KHDRBS2: variants seen among roughly 807,000 people sequenced by gnomAD.
KHDRBS2 encodes the protein KH domain-containing, RNA-binding, signal transduction-associated protein 2.
In KHDRBS2, 26 loss-of-function variants were observed where a neutral mutation model predicts 44.3. The ratio of observed to expected loss-of-function variants is 0.59; its 90% CI spans 0.43 to 0.81. The LOEUF is 0.81. Ranked by LOEUF, KHDRBS2 falls within the 40% of genes least tolerant of loss-of-function variation. The pLI is 0.00. For missense variants in KHDRBS2, 476 were observed against 433.1 expected, an observed-to-expected ratio of 1.10 and a Z score of -0.88; for synonymous variants, 194 against 151.1, an observed-to-expected ratio of 1.28 and a Z score of -2.08.
At chr6:61,651,264 A>AT in the KHDRBS2 span, among the ~76,000 whole-genome samples, 20 of 151,984 alleles carry the variant, frequency 1.3e-4, no homozygotes, top group African/African-American at 3.6e-4. Flanking sequence ...TTGGATTTCA[A>AT]TTTTTTTTAG....
intron 3 of KHDRBS2, among the ~76,000 whole-genome samples, chr6:62,010,869 A>G (rs2127269046): frequency 6.6e-6 from 1 of 152,234 alleles, no homozygotes; most frequent in Non-Finnish European, 1.5e-5. Flanking sequence ...TTAAAAATTC[A>G]CCTTTCTAAA....
intron 1 of KHDRBS2, among the ~76,000 whole-genome samples, chr6:62,197,246 A>G (rs548441610): frequency 6.6e-6 from 1 of 152,242 alleles, no homozygotes; most frequent in South Asian, 2.1e-4. Flanking sequence ...TTCCATCACA[A>G]GCTGATGCAA....
intron 3 of KHDRBS2, among the ~76,000 whole-genome samples, chr6:62,035,573 T>C (rs1785138400): frequency 6.6e-6 from 1 of 151,988 alleles, no homozygotes; most frequent in Non-Finnish European, 1.5e-5. Flanking sequence ...TAAGACCTAG[T>C]ATTTGATAGC....
chr6:61,920,583 A>G (rs1354222811), intron 4 of KHDRBS2, among the ~76,000 whole-genome samples: 1 of 152,010 alleles, frequency 6.6e-6, no homozygotes, highest in Non-Finnish European at 1.5e-5. Context: ...AGTTGTAGAG[A>G]ATCTTTGGAC....
intron 1 of KHDRBS2, among the ~76,000 whole-genome samples, chr6:62,227,243 T>C (rs567884822): frequency 6.6e-6 from 1 of 152,186 alleles, no homozygotes; most frequent in Admixed American, 6.5e-5. Context: ...TTCACATCCC[T>C]GGTTAGCTGT....
At chr6:61,632,083 C>T in the KHDRBS2 span, among the ~76,000 whole-genome samples, 1 of 152,122 alleles carries the variant, frequency 6.6e-6, no homozygotes, top group African/African-American at 2.4e-5. Context: ...TTTTGTTTAA[C>T]ATTGCTTCTG....
intron 6 of KHDRBS2, among the ~76,000 whole-genome samples, chr6:61,777,972 T>C (rs1316365574): frequency 6.6e-6 from 1 of 152,082 alleles, no homozygotes; most frequent in Admixed American, 6.6e-5. Context: ...TAGTACCCAA[T>C]AGTAATTTTT....
At chr6:61,978,438 C>T (rs1309039205) in intron 3 of KHDRBS2, among the ~76,000 whole-genome samples, 1 of 151,984 alleles carries the variant, frequency 6.6e-6, no homozygotes, top group Non-Finnish European at 1.5e-5. Flanking sequence ...GCATAATTAT[C>T]ATCTACAACA....
intron 2 of KHDRBS2, among the ~76,000 whole-genome samples, chr6:62,148,377 C>G (rs1814383390): frequency 6.6e-6 from 1 of 151,934 alleles, no homozygotes; most frequent in African/African-American, 2.4e-5. Flanking sequence ...AAAGATAGTC[C>G]TTAACCTTAA....
the KHDRBS2 span, among the ~76,000 whole-genome samples, chr6:61,577,093 G>C: frequency 1.3e-5 from 2 of 150,718 alleles, no homozygotes; most frequent in Non-Finnish European, 2.9e-5. Context: ...ATACCTGGTA[G>C]TTGTGTTTTA....
intron 1 of KHDRBS2, among the ~76,000 whole-genome samples, chr6:62,231,770 C>A (rs1166201184): frequency 6.6e-6 from 1 of 151,980 alleles, no homozygotes; most frequent in Non-Finnish European, 1.5e-5. Flanking sequence ...TTTGTTTATT[C>A]TTCGTGAAGA....
chr6:61,601,879 G>A, the KHDRBS2 span, among the ~76,000 whole-genome samples: 1 of 151,988 alleles, frequency 6.6e-6, no homozygotes, highest in East Asian at 1.9e-4. Flanking sequence ...ACCCACACCT[G>A]CCCAGAAATT....
chr6:61,549,921 G>C, the KHDRBS2 span, among the ~76,000 whole-genome samples: 3 of 152,056 alleles, frequency 2.0e-5, no homozygotes, highest in Admixed American at 2.0e-4. Context: ...GTTTCACTGA[G>C]TTATGCAGAG....
At chr6:61,908,510 T>C (rs567208789) in intron 4 of KHDRBS2, among the ~76,000 whole-genome samples, 1 of 151,902 alleles carries the variant, frequency 6.6e-6, no homozygotes, top group South Asian at 2.1e-4. Context: ...GGTGAGCGCC[T>C]GTAGTTCCAG....
intron 2 of KHDRBS2, among the ~76,000 whole-genome samples, chr6:62,137,657 A>G (rs1028514157): frequency 1.3e-5 from 2 of 152,132 alleles, no homozygotes; most frequent in African/African-American, 4.8e-5. Context: ...CCTACCTGAG[A>G]CTATAAAATC....
intron 3 of KHDRBS2, among the ~76,000 whole-genome samples, chr6:61,994,460 T>C (rs763839386): frequency 5.9e-5 from 9 of 152,178 alleles, no homozygotes; most frequent in African/African-American, 2.4e-5. Context: ...CATAAGGATC[T>C]GGAAAGATGG....
At chr6:61,643,694 T>A in the KHDRBS2 span, among the ~76,000 whole-genome samples, 1 of 151,902 alleles carries the variant, frequency 6.6e-6, no homozygotes, top group East Asian at 1.9e-4. Context: ...AAGAACACAA[T>A]CCCATTCATA....
chr6:62,004,026 C>T (rs1193567625), intron 3 of KHDRBS2, among the ~76,000 whole-genome samples: 1 of 152,136 alleles, frequency 6.6e-6, no homozygotes, highest in Non-Finnish European at 1.5e-5. Flanking sequence ...AAATTTATAG[C>T]ACTAAATGCC....
chr6:62,162,982 T>C (rs993716265), intron 2 of KHDRBS2, among the ~76,000 whole-genome samples: 1 of 151,892 alleles, frequency 6.6e-6, no homozygotes, highest in African/African-American at 2.4e-5. Context: ...TGATGTCAAG[T>C]GGGCAGTTTC....
Sources: allele counts gnomAD v4.1 joint callset (sites outside exome capture counted in the v4.1 genomes callset), GRCh38; gene constraint gnomAD v4.1.1; transcripts MANE v1.5; gene names NCBI Gene and HGNC (gene_info 2026-07-23, HGNC 2026-07-21).